AXIN1: variants seen among roughly 807,000 people sequenced by gnomAD.
AXIN1 encodes the protein axin-1.
AXIN1 carries 30 observed loss-of-function variants against 76.4 expected under a neutral mutation model. The observed-to-expected ratio is 0.39, with a 90% CI of 0.29 to 0.53. The LOEUF (loss-of-function observed/expected upper bound fraction) is 0.53, where lower values mean the gene tolerates loss of function less well. Among genes scored for constraint, AXIN1 ranks in the 20% least tolerant of loss-of-function variants. The pLI is 0.66. For synonymous variants in AXIN1, 545 were observed against 501.4 expected (o/e 1.09, Z -1.16); for missense variants, 1,140 against 1,198.8 (o/e 0.95, Z 0.72).
chr16:336,522 C>T lies in AXIN1; in HGVS notation c.878+9626G>A, dbSNP rs183446748. Among the ~76,000 whole-genome samples, 192 of 152,094 alleles carry T rather than the reference C, an allele frequency of 1.3e-3. 2 individuals are homozygous for T. Among genetic ancestry groups the T allele is most frequent in the Admixed American group, 2.2e-3 (34 of 15,278 alleles). ...GGCCCTGACCCAAGAGGGCTGGTTC[C>T]CTAAAAGAACAGACACCAGCTGGGC... On this transcript the variant is annotated intron_variant, in intron 2 of 10. Transcript: ENST00000262320.
chr16:340,876 C>A (rs2053902461), intron 2 of AXIN1, among the ~76,000 whole-genome samples: 1 of 152,232 alleles, frequency 6.6e-6, no homozygotes, highest in Non-Finnish European at 1.5e-5. Flanking sequence ...GAAACCACCA[C>A]GCGGCTCACA....
chr16:291,183 C>T lies in AXIN1; in HGVS notation c.2294+7G>A, dbSNP rs1404671981. ...CAGGACCGGGAGGACCCTCAGGACG[C>T]ACGTACTCTGTCTCGGAGAGCTCCA... On this transcript the variant is annotated splice_region_variant and intron_variant, in intron 9 of 10. Coordinates refer to ENST00000262320, the MANE Select transcript of AXIN1 (RefSeq NM_003502.4). 1.3e-6 allele frequency: 2 copies of T among 1,573,894 alleles called. No homozygotes were observed. Among genetic ancestry groups the T allele is most frequent in the Admixed American group, 1.9e-5 (1 of 53,176 alleles).
chr16:335,671 T>C (rs1215102020), intron 2 of AXIN1, among the ~76,000 whole-genome samples: 3 of 151,770 alleles, frequency 2.0e-5, no homozygotes, highest in Non-Finnish European at 4.4e-5. Context: ...AGCATGCCAG[T>C]ACCACACACA....
chr16:344,832 C>T (rs925457519), intron 2 of AXIN1, among the ~76,000 whole-genome samples: 8 of 152,170 alleles, frequency 5.3e-5, no homozygotes, highest in Non-Finnish European at 8.8e-5. Flanking sequence ...CAAGTTTAAC[C>T]TTAGACATGT....
rs779951904 is a variant in AXIN1 at position 310,055 on chromosome 16, G to T, written c.1034C>A (p.Pro345Gln). Residue 345 changes from proline to glutamine, a missense_variant, in exon 4 of 11, where the codon CCA becomes CAA. Physicochemically the swap from Pro to Gln is moderately conservative, Grantham distance 76. Transcript: ENST00000262320. ...LTDSSVDGIP[P>Q]YRIRKQHRRE... is the part of the protein sequence containing the mutation. ...GCGGTGCTGCTTACGGATCCTGTAT[G>T]GGGGGATCCCATCCCTGTCCAGGAG... 1 of 1,611,670 alleles carries T rather than the reference G, an allele frequency of 6.2e-7. No homozygotes were observed. The highest frequency in any genetic ancestry group is 8.5e-7 in the Non-Finnish European group (1 of 1,179,236).
Position 346,193 on chromosome 16 carries a change from G to A in AXIN1, c.833C>T (p.Pro278Leu), listed in dbSNP as rs147515329. 966 of 1,613,946 alleles carry A rather than the reference G, an allele frequency of 6.0e-4. 5 individuals carry two copies. Among genetic ancestry groups the A allele is most frequent in the South Asian group, 1.7e-3 (159 of 91,078 alleles). The change falls in exon 2 of 11, where the codon CCG (proline) becomes CTG (leucine). Residue 278 changes from proline to leucine, a missense_variant. By Grantham distance (98) the Pro-to-Leu change is moderately conservative. Coordinates refer to ENST00000262320, the MANE Select transcript of AXIN1 (RefSeq NM_003502.4). ...GTACCGTCTACTGGAGGAGACCCTC[G>A]GGGCAGCTGTCTCCAGGAGCAGCTT... ...PQKLLLETAA[P>L]RVSSSRRYSE...
At chr16:309,494 G>C (rs1399725405) in intron 4 of AXIN1, among the ~76,000 whole-genome samples, 1 of 152,246 alleles carries the variant, frequency 6.6e-6, no homozygotes, top group African/African-American at 2.4e-5. Context: ...CCCGAGACTG[G>C]GCAAAGGTGC....
chr16:342,883 T>C (rs972156979), intron 2 of AXIN1, among the ~76,000 whole-genome samples: 13 of 152,202 alleles, frequency 8.5e-5, no homozygotes, highest in Non-Finnish European at 1.5e-4. Context: ...GCCTCAACAG[T>C]GCCCTTCAGG....
intron 5 of AXIN1, among the ~76,000 whole-genome samples, chr16:301,769 A>C (rs964460026): frequency 6.6e-6 from 1 of 152,186 alleles, no homozygotes; most frequent in African/African-American, 2.4e-5. Flanking sequence ...AGAAAATTAC[A>C]GCGGCCGGCG....
chr16:319,312 C>G lies in AXIN1; in HGVS notation c.879-4629G>C, dbSNP rs557327114. On this transcript the variant is annotated intron_variant, in intron 2 of 10. Coordinates refer to ENST00000262320, the MANE Select transcript of AXIN1 (RefSeq NM_003502.4). The stretch of plus-strand genomic sequence containing the variant: ...ACGCCACTGTGTTCCAGCCTGTGCT[C>G]CAGACTCTGTCTCAAAAACAAAAAT... Among the ~76,000 whole-genome samples, 10 of 152,178 alleles carry G rather than the reference C, an allele frequency of 6.6e-5. No homozygotes were observed. In the South Asian group the frequency reaches 2.1e-3, roughly 32 times the overall value.
At chr16:326,942 C>T (rs1207447707) in intron 2 of AXIN1, among the ~76,000 whole-genome samples, 7 of 151,546 alleles carry the variant, frequency 4.6e-5, no homozygotes, top group Admixed American at 2.6e-4. Flanking sequence ...AGATGGAGAC[C>T]ATCCTGGCTA....
At position 287,719 on chromosome 16, in the gene AXIN1, T is replaced by C. The variant is rs1555471490; in HGVS notation, c.*403A>G. On this transcript the variant is annotated 3_prime_UTR_variant, in exon 11 of 11. Coordinates refer to ENST00000262320, the MANE Select transcript of AXIN1 (RefSeq NM_003502.4). ...TGGCGCGTACAATTGACAGAGGCCCTGCAGGCCTCTGCATCCGGGCCTGGG... is the reference window on the plus strand; with the variant it reads ...TGGCGCGTACAATTGACAGAGGCCCCGCAGGCCTCTGCATCCGGGCCTGGG... 1.0e-5 allele frequency: 4 copies of C among 385,136 alleles called. No individual in the cohort carries two copies. Among genetic ancestry groups the C allele is most frequent in the Non-Finnish European group, 9.8e-6 (2 of 204,340 alleles). 23.9% of individuals were successfully genotyped at this position (385,136 alleles called of 1,614,324 possible). A position where few individuals can be genotyped will look rare whatever the true frequency, so the allele number is the denominator to read the frequency against.
rs375097914 is a variant in AXIN1 at position 347,035 on chromosome 16, C to A, written c.-10G>T. 37 of 1,613,940 alleles carry A rather than the reference C, an allele frequency of 2.3e-5. No individual in the cohort carries two copies. Among genetic ancestry groups the A allele is most frequent in the Non-Finnish European group, 3.1e-5 (37 of 1,180,056 alleles). On this transcript the variant is annotated 5_prime_UTR_variant, in exon 2 of 11. Transcript: ENST00000262320. ...GCTCTTGGATATTCATTTTGGGACTCTGCGTCAAGGAACAATGAGCGCTGC... is the reference window on the plus strand; with the variant it reads ...GCTCTTGGATATTCATTTTGGGACTATGCGTCAAGGAACAATGAGCGCTGC...
At chr16:290,306 TC>T in intron 9 of AXIN1, 1 of 157,198 alleles carries the variant, frequency 6.4e-6, no homozygotes, top group Admixed American at 6.0e-5. Flanking sequence ...ACCAGAGGCT[TC>T]CAGAGCCAAC....
intron 2 of AXIN1, among the ~76,000 whole-genome samples, chr16:341,028 T>C (rs2053907316): frequency 2.6e-5 from 4 of 152,088 alleles, no homozygotes; most frequent in African/African-American, 9.7e-5. Flanking sequence ...GACAGAGGGG[T>C]CAGCACCCGA....
At chr16:291,007 G>GA in intron 9 of AXIN1, 183 bp downstream of exon 9, 1 of 665,522 alleles carries the variant, frequency 1.5e-6, no homozygotes, top group Non-Finnish European at 2.7e-6. Context: ...CTCCTTTGAT[G>GA]GAGACAGGAG....
chr16:305,963 C>T (rs1165835873), intron 4 of AXIN1, among the ~76,000 whole-genome samples: 1 of 152,116 alleles, frequency 6.6e-6, no homozygotes, highest in Non-Finnish European at 1.5e-5. Context: ...CACGCCTGGC[C>T]CTGTGTAACT....
chr16:345,074 A>C (rs914119214), intron 2 of AXIN1, among the ~76,000 whole-genome samples: 3 of 151,678 alleles, frequency 2.0e-5, no homozygotes, highest in Admixed American at 6.6e-5. Flanking sequence ...CGCTCTGCTC[A>C]CAAGCACAGT....
chr16:304,529 T>G, intron 4 of AXIN1, 88 bp from the exon 5 acceptor site: 15 of 1,572,186 alleles, frequency 9.5e-6, no homozygotes, highest in African/African-American at 1.4e-5. Context: ...GTGCTATCTC[T>G]GTTGTATTTT....
Sources: allele counts gnomAD v4.1 joint callset (sites outside exome capture counted in the v4.1 genomes callset), GRCh38; gene constraint gnomAD v4.1.1; transcripts MANE v1.5; gene names NCBI Gene and HGNC (gene_info 2026-07-23, HGNC 2026-07-21).